The following DLGAP1 variants were observed in gnomAD, a reference collection of about 807,000 sequenced individuals.
The protein encoded by DLGAP1 is DLG associated protein 1.
A neutral mutation model predicts 90.8 loss-of-function variants in DLGAP1; 11 were observed. The ratio of observed to expected loss-of-function variants is 0.12; its 90% CI spans 0.08 to 0.20. The LOEUF (loss-of-function observed/expected upper bound fraction) is 0.20. DLGAP1 is among the 10% of genes least tolerant of loss of function. The pLI, the probability that DLGAP1 is intolerant of heterozygous loss-of-function variation, is 1.00. For missense variants in DLGAP1, 1,050 were observed against 1,333.8 expected (o/e 0.79, Z 3.31); for synonymous variants, 558 against 540.7 (o/e 1.03, Z -0.44).
intron 2 of DLGAP1, among the ~76,000 whole-genome samples, chr18:4,114,056 C>CTTTT (rs58180172): frequency 9.4e-6 from 1 of 106,916 alleles, no homozygotes; most frequent in African/African-American, 3.4e-5. Context: ...ATGCCTCTGG[C>CTTTT]TTTTTTTTTT....
chr18:3,650,135 C>T (rs1269735380), intron 7 of DLGAP1, among the ~76,000 whole-genome samples: 2 of 152,142 alleles, frequency 1.3e-5, no homozygotes, highest in African/African-American at 4.8e-5. Flanking sequence ...CCTCCACCTC[C>T]TGGATTCAAG....
intron 7 of DLGAP1, among the ~76,000 whole-genome samples, chr18:3,714,558 G>A (rs1654586899): frequency 6.6e-6 from 1 of 151,928 alleles, no homozygotes; most frequent in African/African-American, 2.4e-5. Context: ...CATCATCTTG[G>A]GTTGAAAGCC....
rs370716995 is a variant in DLGAP1 at position 3,954,047 on chromosome 18, G to A, written c.-73+51069C>T. Among the ~76,000 whole-genome samples, 26 of 152,162 alleles carry A rather than the reference G, an allele frequency of 1.7e-4. No individual in the cohort carries two copies. In the East Asian group the frequency reaches 4.6e-3, roughly 27 times the overall value. ...TGTTATAAGGAATATTTCATCACTTGCTTTTAATATTAGGTAAATATTGAT... is the reference window on the plus strand; with the variant it reads ...TGTTATAAGGAATATTTCATCACTTACTTTTAATATTAGGTAAATATTGAT... On this transcript the variant is annotated intron_variant, in intron 3 of 12. Transcript: ENST00000315677.
intron 3 of DLGAP1, among the ~76,000 whole-genome samples, chr18:3,928,980 G>C (rs1346319626): frequency 6.6e-6 from 1 of 152,096 alleles, no homozygotes; most frequent in Non-Finnish European, 1.5e-5. Flanking sequence ...CACGAGATCT[G>C]ATTGTTTCAA....
At chr18:4,408,389 A>G (rs2082708934) in intron 1 of DLGAP1, among the ~76,000 whole-genome samples, 1 of 152,192 alleles carries the variant, frequency 6.6e-6, no homozygotes, top group Non-Finnish European at 1.5e-5. Flanking sequence ...CTGGAGGCTA[A>G]AATCAGCAGA....
intron 7 of DLGAP1, among the ~76,000 whole-genome samples, chr18:3,710,596 A>T (rs2061568845): frequency 6.6e-6 from 1 of 152,220 alleles, no homozygotes; most frequent in African/African-American, 2.4e-5. Flanking sequence ...TTCACTATAG[A>T]TGTCACTGTT....
At chr18:3,708,070 A>AC (rs2061492204) in intron 7 of DLGAP1, among the ~76,000 whole-genome samples, 1 of 149,566 alleles carries the variant, frequency 6.7e-6, no homozygotes, top group Non-Finnish European at 1.5e-5. Flanking sequence ...CAGTGGCGTG[A>AC]CCCCAGCTCA....
intron 1 of DLGAP1, among the ~76,000 whole-genome samples, chr18:4,335,391 C>T (rs1401595316): frequency 6.6e-6 from 1 of 151,988 alleles, no homozygotes; most frequent in Non-Finnish European, 1.5e-5. Context: ...CTGGAATTAA[C>T]TCAGTGCCTT....
chr18:4,275,904 GA>G (rs1180732081), intron 1 of DLGAP1, among the ~76,000 whole-genome samples: 3 of 152,060 alleles, frequency 2.0e-5, no homozygotes, highest in Non-Finnish European at 4.4e-5. Context: ...TCATTGATTA[GA>G]AAAGCCTTTG....
In DLGAP1 at chr18:3,576,228, A is replaced by G. The variant is rs1055131475; in HGVS notation, c.1965+5647T>C. On this transcript the variant is annotated intron_variant, in intron 8 of 12. Transcript: ENST00000315677. Reference sequence around the variant, plus strand: ...CACCTTCTTCTGGCATCACTCTTGCATGTGAAGGTAGCTATGGCTCCACCC... The same window carrying G: ...CACCTTCTTCTGGCATCACTCTTGCGTGTGAAGGTAGCTATGGCTCCACCC... 2.0e-5 allele frequency among the ~76,000 whole-genome samples: 3 copies of G among 150,976 alleles called. No individual in the cohort carries two copies. In the East Asian group the frequency reaches 5.9e-4, roughly 29 times the overall value.
chr18:3,677,355 C>T (rs2060344862), intron 7 of DLGAP1, among the ~76,000 whole-genome samples: 1 of 152,238 alleles, frequency 6.6e-6, no homozygotes, highest in Non-Finnish European at 1.5e-5. Flanking sequence ...AATCAGCTCT[C>T]TACTGGTTTC....
At chr18:4,196,741 T>C (rs1049363328) in intron 1 of DLGAP1, among the ~76,000 whole-genome samples, 38 of 152,276 alleles carry the variant, frequency 2.5e-4, no homozygotes, top group Non-Finnish European at 2.9e-5. Context: ...GTTATGTGTA[T>C]ACATTTATTT....
intron 1 of DLGAP1, among the ~76,000 whole-genome samples, chr18:4,389,574 T>C (rs915881691): frequency 1.3e-5 from 2 of 152,198 alleles, no homozygotes; most frequent in African/African-American, 2.4e-5. Flanking sequence ...CAAAAACAGA[T>C]TGACTGTAGA....
At position 3,518,775 on chromosome 18, in the gene DLGAP1, C is replaced by G. The variant is rs369603398; in HGVS notation, c.2480-10114G>C. ...TAAACGTGAGAATGCAGTAGGAATTCTAACTCCTATAACTGATCTACATTC... is the reference window on the plus strand; with the variant it reads ...TAAACGTGAGAATGCAGTAGGAATTGTAACTCCTATAACTGATCTACATTC... On this transcript the variant is annotated intron_variant, in intron 10 of 12. Coordinates refer to ENST00000315677, the MANE Select transcript of DLGAP1 (RefSeq NM_004746.4). Among the ~76,000 whole-genome samples the G allele has an allele frequency of 3.9e-5, 6 of 152,294 alleles. No individual in the cohort carries two copies. In the South Asian group the frequency reaches 1.0e-3, roughly 26 times the overall value.
At chr18:3,672,622 CAGGT>C (rs2060139947) in intron 7 of DLGAP1, among the ~76,000 whole-genome samples, 1 of 104,700 alleles carries the variant, frequency 9.6e-6, no homozygotes, top group African/African-American at 3.5e-5. Flanking sequence ...TAATGAGAAA[CAGGT>C]AGATAAACCC....
chr18:4,363,097 A>G (rs758642182), intron 1 of DLGAP1, among the ~76,000 whole-genome samples: 4 of 152,154 alleles, frequency 2.6e-5, no homozygotes, highest in Non-Finnish European at 5.9e-5. Context: ...TAAGATTTAC[A>G]GGGAGATCCA....
intron 4 of DLGAP1, among the ~76,000 whole-genome samples, chr18:3,827,179 C>G (rs2067765984): frequency 6.6e-6 from 1 of 152,112 alleles, no homozygotes; most frequent in East Asian, 1.9e-4. Flanking sequence ...TGGCTGCAAA[C>G]ATCCCTGTGG....
intron 5 of DLGAP1, among the ~76,000 whole-genome samples, chr18:3,771,600 A>T (rs1568105568): frequency 6.6e-6 from 1 of 152,258 alleles, no homozygotes; most frequent in Admixed American, 6.5e-5. Flanking sequence ...TCTCCAAGTC[A>T]GGGTGCCTTC....
chr18:4,195,275 CT>C (rs770010017), intron 1 of DLGAP1, among the ~76,000 whole-genome samples: 14 of 149,394 alleles, frequency 9.4e-5, no homozygotes, highest in East Asian at 2.0e-4. Context: ...AGACTTTGAA[CT>C]TTTTTTTTTA....
Sources: allele counts gnomAD v4.1 joint callset (sites outside exome capture counted in the v4.1 genomes callset), GRCh38; gene constraint gnomAD v4.1.1; transcripts MANE v1.5; gene names NCBI Gene and HGNC (gene_info 2026-07-23, HGNC 2026-07-21).